DLC1: variants seen among roughly 807,000 people sequenced by gnomAD.
The protein encoded by DLC1 is DLC1 Rho GTPase activating protein.
Under a neutral mutation model 140.3 loss-of-function variants are expected in DLC1, and 54 were observed. The ratio of observed to expected loss-of-function variants is 0.38; its 90% CI spans 0.31 to 0.48. DLC1 has a LOEUF of 0.48. Ranked by LOEUF, DLC1 falls within the 20% of genes least tolerant of loss-of-function variation. The pLI is 0.96. For synonymous variants in DLC1, 986 were observed against 728.1 expected (o/e 1.35, Z -5.70); for missense variants, 2,536 against 1,907.0 (o/e 1.33, Z -6.14).
intron 4 of DLC1, among the ~76,000 whole-genome samples, chr8:13,389,515 T>C (rs1229506060): frequency 6.6e-6 from 1 of 152,162 alleles, no homozygotes; most frequent in Non-Finnish European, 1.5e-5. Flanking sequence ...CATAAGCCTC[T>C]TCTTTTTTCT....
At chr8:13,244,826 T>A (rs1000300571) in intron 5 of DLC1, among the ~76,000 whole-genome samples, 3 of 152,194 alleles carry the variant, frequency 2.0e-5, no homozygotes, top group Admixed American at 6.5e-5. Context: ...TGTTATAGTA[T>A]ATTGTAATTG....
At chr8:13,517,844 A>G (rs187791998), upstream of DLC1, among the ~76,000 whole-genome samples, 114 of 152,340 alleles carry the variant, frequency 7.5e-4, no homozygotes, top group South Asian at 1.7e-3. Flanking sequence ...TAGCTTCCAT[A>G]ACTAAGAATT....
rs570352688 is a variant in DLC1 at position 13,555,640 on chromosome 8, C to T, written c.-126+48897G>A. ...CCAAGTAGCTGAGACTACAGGTGCC[C>T]GCCACCATGCCTAGCTATTATTTTT... is the stretch of plus-strand genomic sequence containing the variant. On this transcript the variant is annotated intron_variant, in intron 1 of 1. Transcript: ENST00000631382. Among the ~76,000 whole-genome samples the T allele has an allele frequency of 3.5e-3, 524 of 151,764 alleles. 3 individuals are homozygous for T. Among genetic ancestry groups the T allele is most frequent in the African/African-American group, 0.012 (501 of 41,364 alleles).
chr8:13,541,800 C>T (rs542701915), intron 1 of DLC1, among the ~76,000 whole-genome samples: 7 of 152,280 alleles, frequency 4.6e-5, no homozygotes, highest in Non-Finnish European at 7.3e-5. Context: ...CCGCCTGCCT[C>T]GGCCTCCCAA....
At chr8:13,379,701 T>C (rs549141072) in intron 4 of DLC1, among the ~76,000 whole-genome samples, 1 of 152,306 alleles carries the variant, frequency 6.6e-6, no homozygotes, top group Non-Finnish European at 1.5e-5. Flanking sequence ...GTTTGTTACA[T>C]AGGTATAAAT....
At chr8:13,588,349 T>C (rs1420583575) in intron 1 of DLC1, among the ~76,000 whole-genome samples, 1 of 152,038 alleles carries the variant, frequency 6.6e-6, no homozygotes, top group Non-Finnish European at 1.5e-5. Context: ...TTTGTCAGAA[T>C]GAGGAGGAAG....
chr8:13,424,729 C>T (rs896693494), intron 2 of DLC1, among the ~76,000 whole-genome samples: 1 of 151,938 alleles, frequency 6.6e-6, no homozygotes, highest in African/African-American at 2.4e-5. Flanking sequence ...CCCACCACCT[C>T]GCTTGGCTAA....
chr8:13,465,767 A>G (rs576896658), intron 2 of DLC1, among the ~76,000 whole-genome samples: 1 of 152,336 alleles, frequency 6.6e-6, no homozygotes, highest in East Asian at 1.9e-4. Context: ...TCTAAGAAAT[A>G]ACTTTTTAGT....
chr8:13,511,537 A>G (rs1367443781), intron 1 of DLC1, among the ~76,000 whole-genome samples: 2 of 152,160 alleles, frequency 1.3e-5, no homozygotes, highest in East Asian at 3.9e-4. Flanking sequence ...ATAGAAGTAA[A>G]CACTGTATTT....
chr8:13,358,100 C>G (rs1000022785), intron 4 of DLC1, among the ~76,000 whole-genome samples: 3 of 152,114 alleles, frequency 2.0e-5, no homozygotes, highest in Non-Finnish European at 4.4e-5. Flanking sequence ...AAGGCTAATC[C>G]TGCTATTCTG....
At chr8:13,600,528 G>A (rs181084020) in intron 1 of DLC1, among the ~76,000 whole-genome samples, 3 of 151,948 alleles carry the variant, frequency 2.0e-5, no homozygotes, top group African/African-American at 7.2e-5. Context: ...TACTAGCACG[G>A]TTCTCCAGCA....
intron 1 of DLC1, among the ~76,000 whole-genome samples, chr8:13,540,030 A>G (rs1803431800): frequency 6.6e-6 from 1 of 152,214 alleles, no homozygotes; most frequent in African/African-American, 2.4e-5. Flanking sequence ...TGTGTGCAGC[A>G]CAAAACAGAA....
intron 5 of DLC1, among the ~76,000 whole-genome samples, chr8:13,128,755 A>C (rs1203887236): frequency 1.3e-5 from 2 of 151,994 alleles, no homozygotes; most frequent in Admixed American, 6.6e-5. Context: ...GAATGGCGTG[A>C]ACCCGGGAGG....
At chr8:13,513,575 AC>A (rs1802471438) in intron 1 of DLC1, among the ~76,000 whole-genome samples, 1 of 152,148 alleles carries the variant, frequency 6.6e-6, no homozygotes, top group Non-Finnish European at 1.5e-5. Flanking sequence ...TTGAAAATGT[AC>A]ATGAATATTT....
intron 5 of DLC1, among the ~76,000 whole-genome samples, chr8:13,148,773 A>G (rs888362311): frequency 1.3e-5 from 2 of 152,134 alleles, no homozygotes; most frequent in African/African-American, 2.4e-5. Context: ...CTAGCTGGCC[A>G]GTAATGAGGT....
rs188812477 is a variant in DLC1 at position 13,087,169 on chromosome 8, G to C, written c.4293-706C>G. Among the ~76,000 whole-genome samples, 552 of 152,298 alleles carry C rather than the reference G, an allele frequency of 3.6e-3. 7 individuals carry two copies. The highest frequency in any genetic ancestry group is 0.035 in the South Asian group (167 of 4,814). ...TAATCCCGGCGCTTTGGGAGGTTGA[G>C]GTAGGAGGATCGCTTGAGCCCAGGA... On this transcript the variant is annotated intron_variant, in intron 16 of 17. Coordinates refer to ENST00000276297, the MANE Select transcript of DLC1 (RefSeq NM_182643.3).
chr8:13,564,371 T>C (rs1004900291), intron 1 of DLC1, among the ~76,000 whole-genome samples: 47 of 152,186 alleles, frequency 3.1e-4, no homozygotes, highest in African/African-American at 1.1e-3. Context: ...TCTTGTCACA[T>C]TCAACTTAGC....
At chr8:13,189,291 C>T (rs1826604467) in intron 5 of DLC1, among the ~76,000 whole-genome samples, 1 of 152,130 alleles carries the variant, frequency 6.6e-6, no homozygotes, top group Non-Finnish European at 1.5e-5. Flanking sequence ...CTCCTCTTTG[C>T]ACCAATACAA....
chr8:13,499,436 A>T lies in DLC1; in HGVS notation c.636T>A (p.Asp212Glu). The change falls in exon 2 of 18, where the codon GAT becomes GAA. Residue 212 changes from aspartate to glutamate, a missense_variant. By Grantham distance (45) the Asp-to-Glu change is conservative. Coordinates refer to ENST00000276297, the MANE Select transcript of DLC1 (RefSeq NM_182643.3). ...IKDAPKVNAV[D>E]TLNVKDIAPE... is the part of the protein sequence containing the mutation. ...GTGCAATATCTTTCACGTTCAAAGT[A>T]TCCACTGCATTTACTTTGGGTGCAT... 6.2e-7 allele frequency: 1 copy of T among 1,614,002 alleles called. No individual in the cohort carries two copies. Among genetic ancestry groups the T allele is most frequent in the Non-Finnish European group, 8.5e-7 (1 of 1,179,998 alleles).
Sources: allele counts gnomAD v4.1 joint callset (sites outside exome capture counted in the v4.1 genomes callset), GRCh38; gene constraint gnomAD v4.1.1; transcripts MANE v1.5; gene names NCBI Gene and HGNC (gene_info 2026-07-23, HGNC 2026-07-21).